The following CFAP20DC variants were observed in gnomAD, a reference collection of about 807,000 sequenced individuals.
CFAP20DC encodes the protein CFAP20 domain containing.
A neutral mutation model predicts 101.7 loss-of-function variants in CFAP20DC; 84 were observed. The ratio of observed to expected loss-of-function variants is 0.83; its 90% CI spans 0.69 to 0.99. The LOEUF is 0.99. Among genes scored for constraint, CFAP20DC ranks in the 50% least tolerant of loss-of-function variants. CFAP20DC has a pLI of 0.00. For synonymous variants in CFAP20DC, 359 were observed against 351.2 expected (o/e 1.02, Z -0.25); for missense variants, 1,007 against 970.3 (o/e 1.04, Z -0.50).
rs1365511614 is a variant in CFAP20DC, at chr3:58,869,233, G to T, written c.1015+95C>A. On this transcript the variant is annotated intron_variant, in intron 9 of 16. Transcript: ENST00000482387. The surrounding 1 kb of genome is among the most constrained non-coding windows in gnomAD (Gnocchi z 4.3). The stretch of plus-strand genomic sequence containing the variant: ...TTAAATGACAATTCTCTAGACTTAA[G>T]ATCTAGACTTGAATATAACTGCTGA... 4 of 973,816 alleles carry T rather than the reference G, an allele frequency of 4.1e-6. No individual in the cohort carries two copies. The highest frequency in any genetic ancestry group is 1.5e-6 in the Non-Finnish European group (1 of 668,572). 60.3% of individuals were successfully genotyped at this position (973,816 alleles called of 1,614,324 possible).
chr3:59,030,725 A>T (rs2093975090), intron 4 of CFAP20DC, among the ~76,000 whole-genome samples: 1 of 152,226 alleles, frequency 6.6e-6, no homozygotes, highest in East Asian at 1.9e-4. Context: ...CATCAGGTTG[A>T]CTCAGATATC....
chr3:58,865,265 A>G (rs1013097589), intron 11 of CFAP20DC, among the ~76,000 whole-genome samples: 3 of 152,224 alleles, frequency 2.0e-5, no homozygotes, highest in Admixed American at 2.0e-4. Flanking sequence ...CCTACAATGC[A>G]AAAGCAAAAG....
Position 58,839,319 on chromosome 3 carries a change from T to C in CFAP20DC, c.1972-7430A>G, listed in dbSNP as rs565370650. 9.2e-5 allele frequency among the ~76,000 whole-genome samples: 14 copies of C among 152,294 alleles called. No individual in the cohort carries two copies. In the East Asian group the frequency reaches 1.9e-3, roughly 21 times the overall value. ...GATTTGACACTGCTTTGTCACAATTTAGATGAGAGTGAGGTGGAGCCTTTC... is the reference window on the plus strand; with the variant it reads ...GATTTGACACTGCTTTGTCACAATTCAGATGAGAGTGAGGTGGAGCCTTTC... On this transcript the variant is annotated intron_variant, in intron 13 of 16. Transcript: ENST00000482387.
At chr3:58,995,992 A>ATCTG (rs2093115037) in intron 4 of CFAP20DC, among the ~76,000 whole-genome samples, 1 of 151,582 alleles carries the variant, frequency 6.6e-6, no homozygotes, top group Non-Finnish European at 1.5e-5. Context: ...CTATCTATCT[A>ATCTG]TCTATCTATC....
At chr3:59,047,115 C>G in intron 2 of CFAP20DC, 50 bp downstream of exon 2, 1 of 1,182,066 alleles carries the variant, frequency 8.5e-7, no homozygotes, top group Non-Finnish European at 1.2e-6. Context: ...CTATAAGCTT[C>G]ACTCACATTT....
chr3:58,833,298 T>C (rs1160608303), intron 13 of CFAP20DC, among the ~76,000 whole-genome samples: 1 of 152,194 alleles, frequency 6.6e-6, no homozygotes. Flanking sequence ...CCAGGCAATC[T>C]TTAATAAGGT....
chr3:58,799,729 G>GTGTC lies in CFAP20DC; in HGVS notation c.2237+6662_2237+6665dup. ...GAGCAGTGTGTGTGTGTCTGTGTGTGTGTCTGTGTGTGTGTGTGTGTGTGT... is the reference window on the plus strand; with the variant it reads ...GAGCAGTGTGTGTGTGTCTGTGTGTGTGTCTGTCTGTGTGTGTGTGTGTGTGTGT... On this transcript the variant is annotated intron_variant, in intron 15 of 16. Transcript: ENST00000482387. This position sits in a 1 kb window ranked among gnomAD's most constrained non-coding sequence, Gnocchi z 4.9. 7.7e-6 allele frequency among the ~76,000 whole-genome samples: 1 copy of GTGTC among 130,156 alleles called. No individual in the cohort carries two copies. Among genetic ancestry groups the GTGTC allele is most frequent in the Non-Finnish European group, 1.6e-5 (1 of 62,248 alleles). The allele number at this position is 130,156 out of a possible 152,430, so 85.4% of individuals were successfully genotyped here. A position where few individuals can be genotyped will look rare whatever the true frequency, so the allele number is the denominator to read the frequency against.
At chr3:58,942,974 C>T (rs1248703591) in intron 4 of CFAP20DC, among the ~76,000 whole-genome samples, 1 of 152,206 alleles carries the variant, frequency 6.6e-6, no homozygotes, top group Non-Finnish European at 1.5e-5. Context: ...TCGAACTGGG[C>T]AGAGCTCAGT....
intron 4 of CFAP20DC, among the ~76,000 whole-genome samples, chr3:59,013,120 G>A (rs986393123): frequency 2.6e-5 from 4 of 152,106 alleles, no homozygotes; most frequent in East Asian, 3.9e-4. Flanking sequence ...TGCTCTCTTC[G>A]GAGTCCCAGC....
At chr3:59,027,290 T>C (rs1487835558) in intron 4 of CFAP20DC, among the ~76,000 whole-genome samples, 1 of 152,188 alleles carries the variant, frequency 6.6e-6, no homozygotes, top group East Asian at 1.9e-4. Context: ...TTAAAGAATT[T>C]AACTTTTGCT....
At chr3:58,855,356 T>C (rs1191603962) in intron 12 of CFAP20DC, among the ~76,000 whole-genome samples, 3 of 152,126 alleles carry the variant, frequency 2.0e-5, no homozygotes, top group East Asian at 3.9e-4. Flanking sequence ...GGAGAGGATG[T>C]GGAGAAATAG....
At chr3:59,023,245 A>G (rs2093835608) in intron 4 of CFAP20DC, among the ~76,000 whole-genome samples, 1 of 152,036 alleles carries the variant, frequency 6.6e-6, no homozygotes, top group Non-Finnish European at 1.5e-5. Flanking sequence ...AATACAAAAT[A>G]ACAAGCACTA....
chr3:59,046,300 C>T lies in CFAP20DC; in HGVS notation c.134G>A (p.Ser45Asn). The T allele has an allele frequency of 6.5e-7, 1 of 1,528,514 alleles. No individual in the cohort carries two copies. Among genetic ancestry groups the T allele is most frequent in the Non-Finnish European group, 8.7e-7 (1 of 1,143,648 alleles). The allele number at this position is 1,528,514 out of a possible 1,614,324, so 94.7% of individuals were successfully genotyped here. A position where few individuals can be genotyped will look rare whatever the true frequency, so the allele number is the denominator to read the frequency against. Residue 45 changes from serine (S) to asparagine (N), a missense_variant, in exon 3 of 17, where the codon AGT becomes AAT. Physicochemically the swap from Ser to Asn is conservative, Grantham distance 46 (BLOSUM62 1). Coordinates refer to ENST00000482387, the MANE Select transcript of CFAP20DC (RefSeq NM_001394063.1). ...IWKEFDKEVK[S>N]FVFVLEGSSQ... ...GCTGCCTTCCAGGACAAACACAAAA[C>T]TTTTAACTTCTTTATCAAACTCCTA...
rs1559521941 is a variant in CFAP20DC, at chr3:58,717,903, A to T, written c.198-275T>A. Among the ~76,000 whole-genome samples the T allele has an allele frequency of 6.6e-6, 1 of 152,178 alleles. No individual in the cohort carries two copies. The highest frequency in any genetic ancestry group is 1.5e-5 in the Non-Finnish European group (1 of 68,030). ...AGGGAAGGAGAAAATTGGGTAAACTAACCAATGATGCCAGTCATGACTGAT... is the reference window on the plus strand; with the variant it reads ...AGGGAAGGAGAAAATTGGGTAAACTTACCAATGATGCCAGTCATGACTGAT... On this transcript the variant is annotated intron_variant, in intron 3 of 3. Transcript: ENST00000486145. This position sits in a 1 kb window ranked among gnomAD's most constrained non-coding sequence, Gnocchi z 4.1.
intron 4 of CFAP20DC, among the ~76,000 whole-genome samples, chr3:58,987,580 G>T (rs1208108544): frequency 1.3e-5 from 2 of 151,660 alleles, no homozygotes; most frequent in African/African-American, 4.9e-5. Context: ...AAAAGATTAA[G>T]TAAGAAAAAT....
Position 58,884,640 on chromosome 3 carries a change from G to A in CFAP20DC, c.620C>T (p.Thr207Ile), listed in dbSNP as rs1231012962. Residue 207 changes from threonine to isoleucine, a missense_variant, in exon 7 of 17, where the codon ACA becomes ATA. Thr to Ile is a moderately conservative substitution (Grantham distance 89). Coordinates refer to ENST00000482387, the MANE Select transcript of CFAP20DC (RefSeq NM_001394063.1). ...DIIPRSCQLMTDVPHVTQLLN... is the reference protein window; with the variant it reads ...DIIPRSCQLMIDVPHVTQLLN... ...CAGCTGTGTGACATGTGGAACATCT[G>A]TCATTAGTTGACAGCTTCGTGGTAT... 1.2e-6 allele frequency: 2 copies of A among 1,613,886 alleles called. No homozygotes were observed. The highest frequency in any genetic ancestry group is 3.3e-5 in the Admixed American group (2 of 60,020).
Position 59,006,464 on chromosome 3 carries a change from G to A in CFAP20DC, c.278+33093C>T, listed in dbSNP as rs777306684. On this transcript the variant is annotated intron_variant, in intron 4 of 16. Transcript: ENST00000482387. This position sits in a 1 kb window ranked among gnomAD's most constrained non-coding sequence, Gnocchi z 4.3. ...AGCAGCATGCTGCTGCAAATTCTGC[G>A]AGACAGGCAAAAAACTGTGAGTTCC... Among the ~76,000 whole-genome samples the A allele has an allele frequency of 1.3e-5, 2 of 152,194 alleles. No individual in the cohort carries two copies. The highest frequency in any genetic ancestry group is 2.9e-5 in the Non-Finnish European group (2 of 68,036).
rs192504421 is a variant in CFAP20DC, at chr3:58,986,183, T to C, written c.279-48421A>G. Reference sequence around the variant, plus strand: ...TCATACGTAAGTTTGAAAGATAAAATAGGAAGTTGATTGAGTATCAGAATA... The same window carrying C: ...TCATACGTAAGTTTGAAAGATAAAACAGGAAGTTGATTGAGTATCAGAATA... On this transcript the variant is annotated intron_variant, in intron 4 of 16. Transcript: ENST00000482387. Among the ~76,000 whole-genome samples the C allele has an allele frequency of 9.9e-5, 15 of 152,126 alleles. No homozygotes were observed. In the East Asian group the frequency reaches 2.3e-3, roughly 24 times the overall value.
intron 13 of CFAP20DC, among the ~76,000 whole-genome samples, chr3:58,848,417 GT>G (rs949934376): frequency 1.3e-5 from 2 of 152,080 alleles, no homozygotes; most frequent in Non-Finnish European, 1.5e-5. Flanking sequence ...CATGTCATTT[GT>G]TATGCATAGC....
Sources: gnomAD v4.1 joint callset for allele counts (sites outside exome capture counted in the v4.1 genomes callset) on GRCh38, gnomAD v4.1.1 for gene constraint, Gnocchi (gnomAD v3.1) non-coding constraint, MANE v1.5 for transcripts, NCBI Gene and HGNC (gene_info 2026-07-23, HGNC 2026-07-21) for gene names.